The following SORCS2 variants were observed in gnomAD, a reference collection of about 807,000 sequenced individuals.
SORCS2 encodes the protein VPS10 domain-containing receptor SorCS2.
SORCS2 carries 100 observed loss-of-function variants against 141.6 expected under a neutral mutation model. That is an observed-to-expected ratio of 0.71 (90% CI 0.60 to 0.83). The LOEUF (loss-of-function observed/expected upper bound fraction) is 0.83, where lower values mean the gene tolerates loss of function less well. Among genes scored for constraint, SORCS2 ranks in the 40% least tolerant of loss-of-function variants. SORCS2 has a pLI of 0.00. For missense variants in SORCS2, 1,646 were observed against 1,560.2 expected, an observed-to-expected ratio of 1.05 and a Z score of -0.93; for synonymous variants, 789 against 676.9, an observed-to-expected ratio of 1.17 and a Z score of -2.57.
chr4:7,457,575 G>T lies in SORCS2; in HGVS notation c.548+61220G>T, dbSNP rs550806422. Among the ~76,000 whole-genome samples, 276 of 151,652 alleles carry T rather than the reference G, an allele frequency of 1.8e-3. 4 individuals are homozygous for T. The highest frequency in any genetic ancestry group is 6.2e-3 in the African/African-American group (257 of 41,332). On this transcript the variant is annotated intron_variant, in intron 2 of 26. Transcript: ENST00000507866. The stretch of plus-strand genomic sequence containing the variant: ...CACAAAGCTGACAGGTGTGAGCTGC[G>T]GTCAGAGGGCCTGGTTCACACCAGG...
chr4:7,699,272 G>T (rs1724904211), intron 12 of SORCS2, among the ~76,000 whole-genome samples: 1 of 152,168 alleles, frequency 6.6e-6, no homozygotes, highest in South Asian at 2.1e-4. Flanking sequence ...CAGCCTGCCA[G>T]TGGGGTTTGG....
chr4:7,556,858 T>C (rs1445960243), intron 3 of SORCS2, among the ~76,000 whole-genome samples: 1 of 140,470 alleles, frequency 7.1e-6, no homozygotes, highest in Non-Finnish European at 1.5e-5. Flanking sequence ...ATCCATCCAG[T>C]CACCCACCAT....
chr4:7,418,429 G>A (rs1389544294), intron 2 of SORCS2, among the ~76,000 whole-genome samples: 1 of 152,194 alleles, frequency 6.6e-6, no homozygotes, highest in Non-Finnish European at 1.5e-5. Flanking sequence ...CCAACAGTTA[G>A]AGGGAGTATT....
At chr4:7,607,026 C>T (rs934078433) in intron 3 of SORCS2, among the ~76,000 whole-genome samples, 3 of 152,212 alleles carry the variant, frequency 2.0e-5, no homozygotes, top group African/African-American at 7.2e-5. Flanking sequence ...AGCGATTTCA[C>T]TACCAGCCTT....
intron 14 of SORCS2, among the ~76,000 whole-genome samples, chr4:7,709,844 T>A (rs1318018231): frequency 6.6e-6 from 1 of 152,038 alleles, no homozygotes; most frequent in Non-Finnish European, 1.5e-5. Context: ...CAGGGAGGGG[T>A]CCCCAGGCCC....
At position 7,276,029 on chromosome 4, in the gene SORCS2, C is replaced by T. The variant is rs1030448803; in HGVS notation, c.480+82903C>T. Among the ~76,000 whole-genome samples the T allele has an allele frequency of 3.9e-5, 6 of 152,176 alleles. No individual in the cohort carries two copies. The South Asian group carries it at 1.0e-3, about 26-fold the overall frequency. On this transcript the variant is annotated intron_variant, in intron 1 of 26. Transcript: ENST00000507866. ...TCGGGCTCAGTGGGGAGTTGCTCTG[C>T]TCATAATGCGTAACGGGGGCAGTTT...
chr4:7,410,811 A>G (rs796649632), intron 2 of SORCS2, among the ~76,000 whole-genome samples: 7 of 152,240 alleles, frequency 4.6e-5, no homozygotes, highest in African/African-American at 1.7e-4. Context: ...CAATGATTTG[A>G]TGAGGTTAGG....
intron 6 of SORCS2, among the ~76,000 whole-genome samples, chr4:7,662,989 A>G (rs550861294): frequency 3.3e-5 from 5 of 152,258 alleles, no homozygotes; most frequent in African/African-American, 1.2e-4. Context: ...TGAGTGAGTG[A>G]GTGAGCGAGT....
chr4:7,344,844 G>A (rs375702022), intron 1 of SORCS2, among the ~76,000 whole-genome samples: 7 of 152,182 alleles, frequency 4.6e-5, no homozygotes, highest in African/African-American at 1.4e-4. Flanking sequence ...GAAAACAGCA[G>A]ACTACACGGC....
At chr4:7,403,961 G>GTATATA (rs71635960) in intron 2 of SORCS2, among the ~76,000 whole-genome samples, 145 of 29,796 alleles carry the variant, frequency 4.9e-3, no homozygotes, top group African/African-American at 0.011. Context: ...CTCCATGTGT[G>GTATATA]TATATATATA....
chr4:7,669,441 T>A (rs542242731), intron 8 of SORCS2, among the ~76,000 whole-genome samples: 173 of 152,228 alleles, frequency 1.1e-3, no homozygotes, highest in African/African-American at 4.0e-3. Flanking sequence ...CCACATCTCA[T>A]GTTGCTGAGA....
intron 2 of SORCS2, among the ~76,000 whole-genome samples, chr4:7,423,621 G>C (rs1726234319): frequency 1.3e-5 from 2 of 152,208 alleles, no homozygotes; most frequent in Admixed American, 6.5e-5. Context: ...ATGCTGGCTT[G>C]TGATCACTCT....
chr4:7,547,324 C>T (rs1444640392), intron 3 of SORCS2, among the ~76,000 whole-genome samples: 3 of 152,206 alleles, frequency 2.0e-5, no homozygotes, highest in African/African-American at 7.2e-5. Context: ...CCTGGTCTTC[C>T]CTAGCCCACT....
intron 1 of SORCS2, among the ~76,000 whole-genome samples, chr4:7,255,051 G>A (rs1010062020): frequency 1.3e-5 from 2 of 152,114 alleles, no homozygotes; most frequent in African/African-American, 4.8e-5. Context: ...GAGAGTGAGT[G>A]TGTGAGCGTG....
intron 5 of SORCS2, among the ~76,000 whole-genome samples, chr4:7,657,487 A>G (rs1045565810): frequency 3.7e-4 from 34 of 91,004 alleles, no homozygotes; most frequent in African/African-American, 8.9e-4. Flanking sequence ...AGGTGAGTCA[A>G]TGAATGAATG....
chr4:7,516,433 T>TAA (rs1732985059), intron 2 of SORCS2, among the ~76,000 whole-genome samples: 1 of 152,154 alleles, frequency 6.6e-6, no homozygotes, highest in African/African-American at 2.4e-5. Flanking sequence ...CTGCAGGTTG[T>TAA]TCAGAGGCTG....
chr4:7,724,591 T>TTGG (rs1726966681), intron 19 of SORCS2, among the ~76,000 whole-genome samples: 2 of 23,786 alleles, frequency 8.4e-5, no homozygotes, highest in Non-Finnish European at 1.5e-4. Flanking sequence ...GGTGGTGGTG[T>TTGG]TGGTGATGGT....
Position 7,667,051 on chromosome 4 carries a change from A to G in SORCS2, c.1072-73A>G, listed in dbSNP as rs1447758919. On this transcript the variant is annotated intron_variant, in intron 7 of 26. Coordinates refer to ENST00000507866, the MANE Select transcript of SORCS2 (RefSeq NM_020777.3). ...TTTTCACTTGCTGAATATAACATGT[A>G]GTTTTTCATTCATGAGACTGTGGCT... The G allele has an allele frequency of 3.8e-6, 5 of 1,300,504 alleles. No individual in the cohort carries two copies. In the African/African-American group the frequency reaches 7.3e-5, roughly 19 times the overall value. The allele number at this position is 1,300,504 out of a possible 1,614,324, so 80.6% of individuals were successfully genotyped here.
rs373224499 is a variant in SORCS2, at chr4:7,430,025, C to T, written c.548+33670C>T. On this transcript the variant is annotated intron_variant, in intron 2 of 26. Transcript: ENST00000507866. Reference sequence around the variant, plus strand: ...CCTGGGCCCTGTGGTGCCTGGCACTCGGGTGTGCTGGGGAAGCTTTTCCAG... The same window carrying T: ...CCTGGGCCCTGTGGTGCCTGGCACTTGGGTGTGCTGGGGAAGCTTTTCCAG... Among the ~76,000 whole-genome samples, 26 of 152,216 alleles carry T rather than the reference C, an allele frequency of 1.7e-4. 1 individual carries two copies. In the East Asian group the frequency reaches 3.9e-3, roughly 23 times the overall value.
Sources: gnomAD v4.1 joint callset for allele counts (sites outside exome capture counted in the v4.1 genomes callset) on GRCh38, gnomAD v4.1.1 for gene constraint, MANE v1.5 for transcripts, NCBI Gene and HGNC (gene_info 2026-07-23, HGNC 2026-07-21) for gene names.